Variants in STK11IP observed in about 807,000 individuals in gnomAD.
The protein encoded by STK11IP is serine/threonine kinase 11 interacting protein.
STK11IP carries 103 observed loss-of-function variants against 131.7 expected under a neutral mutation model. The observed-to-expected ratio is 0.78, with a 90% CI of 0.67 to 0.92. The LOEUF (loss-of-function observed/expected upper bound fraction) is 0.92. Among genes scored for constraint, STK11IP ranks in the 40% least tolerant of loss-of-function variants. The pLI is 0.00. For synonymous variants in STK11IP, 557 were observed against 575.6 expected (o/e 0.97, Z 0.46); for missense variants, 1,315 against 1,385.7 (o/e 0.95, Z 0.81).
intron 2 of STK11IP, among the ~76,000 whole-genome samples, chr2:219,599,826 C>T (rs1047209627): frequency 2.0e-5 from 3 of 149,194 alleles, no homozygotes; most frequent in African/African-American, 7.4e-5. Context: ...CCCTGCCTCC[C>T]TCCCAGGTTG....
Position 219,608,326 on chromosome 2 carries a change from AGAAGGAGGG to A in STK11IP, c.1508_1516del (p.Gly503_Glu505del). On this transcript the variant is annotated inframe_deletion, in exon 14 of 25. Coordinates refer to ENST00000456909, the MANE Select transcript of STK11IP (RefSeq NM_052902.4). ...GCGGAGCCACAGGAGGAGGAAGAGG[AGAAGGAGGG>A]GAAGGAGGAGAAGGAGGAGGGGGAG... The A allele has an allele frequency of 1.2e-6, 2 of 1,601,792 alleles. No homozygotes were observed. The highest frequency in any genetic ancestry group is 1.7e-6 in the Non-Finnish European group (2 of 1,174,292).
At position 219,615,162 on chromosome 2, in the gene STK11IP, G is replaced by A; in HGVS notation, c.2938G>A (p.Ala980Thr). 1 of 1,604,914 alleles carries A rather than the reference G, an allele frequency of 6.2e-7. No individual in the cohort carries two copies. The highest frequency in any genetic ancestry group is 8.5e-7 in the Non-Finnish European group (1 of 1,177,502). Residue 980 changes from alanine to threonine, a missense_variant, in exon 24 of 25, where the codon GCA becomes ACA. By Grantham distance (58) the Ala-to-Thr change is moderately conservative. Coordinates refer to ENST00000456909, the MANE Select transcript of STK11IP (RefSeq NM_052902.4). ...STLFLLDEDAAGSPAEPSPPA... is the reference protein window; with the variant it reads ...STLFLLDEDATGSPAEPSPPA... ...CCTGTTCCTGTTAGATGAGGATGCTGCAGGGTCCCCGGCAGAGCCCTCTCC... is the reference window on the plus strand; with the variant it reads ...CCTGTTCCTGTTAGATGAGGATGCTACAGGGTCCCCGGCAGAGCCCTCTCC...
In STK11IP at chr2:219,608,121, C is replaced by T; in HGVS notation, c.1294C>T (p.Gln432Ter). The T allele has an allele frequency of 6.2e-7, 1 of 1,613,380 alleles. No homozygotes were observed. The highest frequency in any genetic ancestry group is 8.5e-7 in the Non-Finnish European group (1 of 1,179,894). Reference sequence around the variant, plus strand: ...GGAACGGTTCGGCCGCAACTGGCTGCAGTACAGGAGTCACCTGGAGCCCTC... The same window carrying T: ...GGAACGGTTCGGCCGCAACTGGCTGTAGTACAGGAGTCACCTGGAGCCCTC... ...FRERFGRNWL[Q>*]YRSHLEPSGN... Residue 432 changes from glutamine (Q) to a stop codon, truncating the protein, a stop_gained, in exon 14 of 25, where the codon CAG (glutamine) becomes TAG (stop). Coordinates refer to ENST00000456909, the MANE Select transcript of STK11IP (RefSeq NM_052902.4). LOFTEE classifies it high-confidence loss of function.
chr2:219,598,253 C>T (rs757960682), intron 2 of STK11IP, 73 bp downstream of exon 2: 37 of 1,153,580 alleles, frequency 3.2e-5, no homozygotes, highest in Non-Finnish European at 4.5e-5. Flanking sequence ...GGAGACACGC[C>T]CTGAGAGTCA....
Position 219,602,578 on chromosome 2 carries a change from G to GCTGTCTA in STK11IP, c.546+3_546+4insCTGTCTA, listed in dbSNP as rs756213313. The GCTGTCTA allele has an allele frequency of 6.2e-7, 1 of 1,613,600 alleles. No homozygotes were observed. The highest frequency in any genetic ancestry group is 2.2e-5 in the East Asian group (1 of 44,888). On this transcript the variant is annotated splice_donor_region_variant and intron_variant, in intron 6 of 24. Coordinates refer to ENST00000456909, the MANE Select transcript of STK11IP (RefSeq NM_052902.4). ...TGACCGCCTTAGACAGCTCCCTGGT[G>GCTGTCTA]AGTGCCTCAGAGGGAAGAGGGTTTC...
rs754032735 is a variant in STK11IP, at chr2:219,613,228, G to T, written c.2537+3G>T. On this transcript the variant is annotated splice_donor_region_variant and intron_variant, in intron 20 of 24. Coordinates refer to ENST00000456909, the MANE Select transcript of STK11IP (RefSeq NM_052902.4). ...TTGAAGGTGACTGGGGAGATGCGGTGAGTGAGAGGGGAGATGCAGTGAGTA... is the reference window on the plus strand; with the variant it reads ...TTGAAGGTGACTGGGGAGATGCGGTTAGTGAGAGGGGAGATGCAGTGAGTA... 6.4e-7 allele frequency: 1 copy of T among 1,554,224 alleles called. No homozygotes were observed. Among genetic ancestry groups the T allele is most frequent in the African/African-American group, 1.4e-5 (1 of 71,562 alleles).
At chr2:219,608,494 G>A in intron 14 of STK11IP, 64 bp downstream of exon 14, 1 of 1,528,102 alleles carries the variant, frequency 6.5e-7, no homozygotes, top group Non-Finnish European at 8.8e-7. Context: ...GTGAGTGGTG[G>A]GGCCTGGCGG....
chr2:219,597,880 C>A lies in STK11IP; in HGVS notation c.-70C>A. On this transcript the variant is annotated 5_prime_UTR_variant, in exon 1 of 25. Transcript: ENST00000456909. ...GGACTTCCTTTCCATCATTGATAGG[C>A]GCCGGGCAGCTGAGCTGGTAGGAGG... is the stretch of plus-strand genomic sequence containing the variant. 6.2e-7 allele frequency: 1 copy of A among 1,606,436 alleles called. No individual in the cohort carries two copies.
chr2:219,613,956 AG>A, intron 21 of STK11IP, 26 bp downstream of exon 21: 1 of 343,818 alleles, frequency 2.9e-6, no homozygotes, highest in Middle Eastern at 4.2e-4. Context: ...GGAAGGCAGG[AG>A]GGTGGGCAGG....
chr2:219,602,140 A>G (rs1474798733), intron 5 of STK11IP, 57 bp downstream of exon 5: 16 of 1,287,060 alleles, frequency 1.2e-5, no homozygotes, highest in Non-Finnish European at 1.8e-5. Context: ...TAGAAGACCA[A>G]GCTCTGATGT....
chr2:219,616,045 T>C lies in STK11IP; in HGVS notation c.3119T>C (p.Val1040Ala), dbSNP rs1222226693. 9.3e-6 allele frequency: 15 copies of C among 1,613,514 alleles called. No individual in the cohort carries two copies. The highest frequency in any genetic ancestry group is 1.3e-5 in the Non-Finnish European group (15 of 1,179,660). Reference protein sequence around the residue: ...EDLRLLFYDEVSRLESFWALR... With the variant: ...EDLRLLFYDEASRLESFWALR... ...CTTGCTAACTGCTCGGTCTGCCAGG[T>C]GTCCCGGCTGGAGAGCTTTTGGGCA... The change falls in exon 25 of 25, where the codon GTG becomes GCG. Residue 1040 changes from valine to alanine, a missense_variant and splice_region_variant. Transcript: ENST00000456909.
chr2:219,599,767 T>C (rs1341646207), intron 2 of STK11IP, among the ~76,000 whole-genome samples: 3 of 151,194 alleles, frequency 2.0e-5, no homozygotes, highest in African/African-American at 4.9e-5. Context: ...GGAGTCTCGC[T>C]CTGTCACCCA....
chr2:219,609,090 T>C lies in STK11IP; in HGVS notation c.1810-7T>C, dbSNP rs1397299149. 6.3e-7 allele frequency: 1 copy of C among 1,579,926 alleles called. No individual in the cohort carries two copies. On this transcript the variant is annotated splice_region_variant and splice_polypyrimidine_tract_variant and intron_variant, in intron 15 of 24. Coordinates refer to ENST00000456909, the MANE Select transcript of STK11IP (RefSeq NM_052902.4). ...GTTTTTCACCCGGTCCCCCTCTTGC[T>C]GCGCAGGGCTCAGATCTGCTCCCTG...
chr2:219,615,061 G>C (rs1698528754), intron 23 of STK11IP, 33 bp from the exon 24 acceptor site: 28 of 1,594,286 alleles, frequency 1.8e-5, no homozygotes, highest in Non-Finnish European at 2.3e-5. Flanking sequence ...GCCCCTCCAT[G>C]ACCTTCCACA....
chr2:219,613,044 C>T, intron 19 of STK11IP, 84 bp from the exon 20 acceptor site: 6 of 1,072,476 alleles, frequency 5.6e-6, no homozygotes, highest in African/African-American at 1.6e-5. Flanking sequence ...GCCGAGGGTG[C>T]TGTCACCAGG....
Position 219,608,693 on chromosome 2 carries a change from C to T in STK11IP, c.1714C>T (p.Gln572Ter). ...TGCCCACCTGTTTGAGGTGGAACTC[C>T]AAGCAGCTCGCACCTTGGAGCGACT... Reference protein sequence around the residue: ...TSAHLFEVELQAARTLERLEL... With the variant: ...TSAHLFEVEL The change falls in exon 15 of 25, where the codon CAA becomes TAA. Residue 572 changes from glutamine (Q) to a stop codon, truncating the protein, a stop_gained. Transcript: ENST00000456909. LOFTEE classifies it high-confidence loss of function. 1 of 1,613,668 alleles carries T rather than the reference C, an allele frequency of 6.2e-7. No individual in the cohort carries two copies. The highest frequency in any genetic ancestry group is 8.5e-7 in the Non-Finnish European group (1 of 1,179,848).
rs200839797 is a variant in STK11IP at position 219,615,131 on chromosome 2, G to C, written c.2907G>C (p.Pro969=). The C allele has an allele frequency of 2.0e-4, 318 of 1,608,950 alleles. 2 individuals are homozygous for C. In the African/African-American group the frequency reaches 3.9e-3, roughly 20 times the overall value. ...GCCTCGTATCCCTGTTGCTGACTCCGTCCACCCTGTTCCTGTTAGATGAGG... is the reference window on the plus strand; with the variant it reads ...GCCTCGTATCCCTGTTGCTGACTCCCTCCACCCTGTTCCTGTTAGATGAGG... ...STCLVSLLLT[P]STLFLLDEDA... The change falls in exon 24 of 25, where the codon CCG becomes CCC. Residue 969 remains proline (P), a synonymous_variant. Transcript: ENST00000456909.
Position 219,613,640 on chromosome 2 carries a change from G to A in STK11IP, c.2538-112G>A. 2.4e-6 allele frequency: 3 copies of A among 1,238,016 alleles called. No homozygotes were observed. In the South Asian group the frequency reaches 3.8e-5, roughly 16 times the overall value. 76.7% of individuals were successfully genotyped at this position (1,238,016 alleles called of 1,614,324 possible). On this transcript the variant is annotated intron_variant, in intron 20 of 24. Coordinates refer to ENST00000456909, the MANE Select transcript of STK11IP (RefSeq NM_052902.4). ...AATGAGGGGGAAGATGGGGTGTGGT[G>A]AGCGCACGGGGGTGATGCAGTGAGT...
chr2:219,611,063 C>T (rs1698380525), intron 17 of STK11IP, among the ~76,000 whole-genome samples: 1 of 152,180 alleles, frequency 6.6e-6, no homozygotes, highest in South Asian at 2.1e-4. Context: ...TTCCCAGCTT[C>T]CTGACACTAA....
Sources: gnomAD v4.1 joint callset for allele counts (sites outside exome capture counted in the v4.1 genomes callset) on GRCh38, gnomAD v4.1.1 for gene constraint, MANE v1.5 for transcripts, NCBI Gene and HGNC (gene_info 2026-07-23, HGNC 2026-07-21) for gene names.